RNF216: variants seen among roughly 807,000 people sequenced by gnomAD.
RNF216 encodes the protein ring finger protein 216, also known as E3 ubiquitin-protein ligase RNF216.
RNF216 carries 72 observed loss-of-function variants against 110.8 expected under a neutral mutation model. That is an observed-to-expected ratio of 0.65 (90% confidence interval 0.54 to 0.79). RNF216 has a LOEUF of 0.79. RNF216 is among the 30% of genes least tolerant of loss of function. The pLI is 0.00. For synonymous variants in RNF216, 495 were observed against 407.5 expected, an observed-to-expected ratio of 1.21 and a Z score of -2.59; for missense variants, 1,342 against 1,141.2, an observed-to-expected ratio of 1.18 and a Z score of -2.54.
intron 13 of RNF216, among the ~76,000 whole-genome samples, chr7:5,692,805 C>A (rs1791414645): frequency 6.6e-6 from 1 of 152,184 alleles, no homozygotes; most frequent in Non-Finnish European, 1.5e-5. Flanking sequence ...AACAAAAATT[C>A]TTTTGCTCAT....
intron 13 of RNF216, among the ~76,000 whole-genome samples, chr7:5,706,213 C>A (rs1792279225): frequency 7.2e-6 from 1 of 139,088 alleles, no homozygotes; most frequent in Admixed American, 6.9e-5. Context: ...CAGCGACACT[C>A]CATCTCAAAA....
Position 5,622,801 on chromosome 7 carries a change from C to T in RNF216, c.*59G>A. On this transcript the variant is annotated 3_prime_UTR_variant, in exon 17 of 17. Transcript: ENST00000389902. ...CAGACACCAGCCTTGGGGGAGGGTTCTCCATCCACACTCCTACCCCAAACG... is the reference window on the plus strand; with the variant it reads ...CAGACACCAGCCTTGGGGGAGGGTTTTCCATCCACACTCCTACCCCAAACG... 1 of 1,475,590 alleles carries T rather than the reference C, an allele frequency of 6.8e-7. No individual in the cohort carries two copies. Among genetic ancestry groups the T allele is most frequent in the Non-Finnish European group, 9.2e-7 (1 of 1,088,296 alleles). 91.4% of individuals were successfully genotyped at this position (1,475,590 alleles called of 1,614,324 possible).
intron 5 of RNF216, among the ~76,000 whole-genome samples, chr7:5,734,770 G>C (rs1034492928): frequency 6.6e-6 from 1 of 151,172 alleles, no homozygotes; most frequent in Non-Finnish European, 1.5e-5. Context: ...GTTGCAGTGA[G>C]CTGAAATCAT....
intron 13 of RNF216, among the ~76,000 whole-genome samples, chr7:5,686,802 G>C (rs1004341426): frequency 6.6e-6 from 1 of 152,228 alleles, no homozygotes. Context: ...AGGGCGTGGA[G>C]AGATGGCTTC....
At chr7:5,656,252 G>A (rs1239409136) in intron 13 of RNF216, among the ~76,000 whole-genome samples, 4 of 152,190 alleles carry the variant, frequency 2.6e-5, no homozygotes, top group Non-Finnish European at 5.9e-5. Flanking sequence ...CTGGGCGGCA[G>A]AGCAAGATTC....
chr7:5,673,759 T>G (rs1226161561), intron 13 of RNF216, among the ~76,000 whole-genome samples: 1 of 151,976 alleles, frequency 6.6e-6, no homozygotes, highest in Non-Finnish European at 1.5e-5. Flanking sequence ...CACCTGTAAT[T>G]CCAGCATTTT....
At chr7:5,667,221 G>C (rs1170233350) in intron 13 of RNF216, among the ~76,000 whole-genome samples, 1 of 152,150 alleles carries the variant, frequency 6.6e-6, no homozygotes, top group African/African-American at 2.4e-5. Flanking sequence ...CATTCCATGT[G>C]TCAAGTATTT....
intron 13 of RNF216, among the ~76,000 whole-genome samples, chr7:5,657,443 T>C (rs1788817645): frequency 6.6e-6 from 1 of 152,132 alleles, no homozygotes; most frequent in South Asian, 2.1e-4. Flanking sequence ...GGCGCATGCC[T>C]ATAATCCCAG....
chr7:5,727,281 T>C (rs1793818757), intron 7 of RNF216, among the ~76,000 whole-genome samples: 1 of 152,234 alleles, frequency 6.6e-6, no homozygotes, highest in Non-Finnish European at 1.5e-5. Flanking sequence ...GTTTATCTGC[T>C]GTTTCACCAC....
intron 13 of RNF216, among the ~76,000 whole-genome samples, chr7:5,682,256 T>G (rs1790703621): frequency 6.6e-6 from 1 of 152,200 alleles, no homozygotes; most frequent in African/African-American, 2.4e-5. Flanking sequence ...TATCTTGTTC[T>G]GAAATCCTTT....
intron 13 of RNF216, among the ~76,000 whole-genome samples, chr7:5,678,207 G>A (rs183186409): frequency 9.2e-5 from 14 of 152,220 alleles, no homozygotes; most frequent in Non-Finnish European, 1.0e-4. Flanking sequence ...TCTGCTGACC[G>A]CCTGCTGTAA....
In RNF216 at chr7:5,641,511, C is replaced by G. The variant is rs1730597064; in HGVS notation, c.2160-135G>C. The G allele has an allele frequency of 5.5e-6, 4 of 730,028 alleles. No homozygotes were observed. The South Asian group carries it at 7.7e-5, about 14-fold the overall frequency. The allele number at this position is 730,028 out of a possible 1,614,324, so 45.2% of individuals were successfully genotyped here. On this transcript the variant is annotated intron_variant, in intron 14 of 16. Coordinates refer to ENST00000389902, the MANE Select transcript of RNF216 (RefSeq NM_207111.4). Reference sequence around the variant, plus strand: ...TGTGACATTAAACAGTGAAAAGAGCCTAGGTTTTGGAGTCTGAGAACTGCT... The same window carrying G: ...TGTGACATTAAACAGTGAAAAGAGCGTAGGTTTTGGAGTCTGAGAACTGCT...
At chr7:5,758,782 G>C (rs1267884417) in intron 2 of RNF216, among the ~76,000 whole-genome samples, 1 of 152,170 alleles carries the variant, frequency 6.6e-6, no homozygotes, top group Non-Finnish European at 1.5e-5. Context: ...CAGGCTCATA[G>C]GTGGAAGGGA....
At chr7:5,675,698 T>C (rs1790238739) in intron 13 of RNF216, among the ~76,000 whole-genome samples, 1 of 149,898 alleles carries the variant, frequency 6.7e-6, no homozygotes, top group Non-Finnish European at 1.5e-5. Flanking sequence ...CCTATAGCGC[T>C]AACTCTATTC....
chr7:5,711,824 G>A lies in RNF216; in HGVS notation c.1998C>T (p.Ser666=), dbSNP rs1432970835. 1 of 1,613,974 alleles carries A rather than the reference G, an allele frequency of 6.2e-7. No homozygotes were observed. The highest frequency in any genetic ancestry group is 1.1e-5 in the South Asian group (1 of 91,012). ...ADELVRCPSC[S]FPALLDSDVK... ...CATCACTGTCCAACAGAGCCGGAAA[G>A]CTACAGGACGGGCACCTAGAGTCAG... The change falls in exon 13 of 17, where the codon AGC becomes AGT. Residue 666 remains serine, a synonymous_variant. Transcript: ENST00000389902.
rs992215001 is a variant in RNF216, at chr7:5,741,562, G to A, written c.455C>T (p.Thr152Ile). Residue 152 changes from threonine (T) to isoleucine (I), a missense_variant, in exon 4 of 17, where the codon ACA (threonine) becomes ATA (isoleucine). Physicochemically the swap from Thr to Ile is moderately conservative, Grantham distance 89. Transcript: ENST00000389902. ...CGGTCCAGGCTTGGGTTCTCTTTCT[G>A]TTTGGCCACTTGGCTTAGTGAATTC... is the stretch of plus-strand genomic sequence containing the variant. The part of the protein sequence containing the change: ...ISEFTKPSGQ[T>I]EREPKPGPSH... The A allele has an allele frequency of 6.2e-7, 1 of 1,614,126 alleles. No individual in the cohort carries two copies. Among genetic ancestry groups the A allele is most frequent in the African/African-American group, 1.3e-5 (1 of 75,004 alleles).
At chr7:5,673,552 G>T (rs1336882057) in intron 13 of RNF216, among the ~76,000 whole-genome samples, 1 of 152,246 alleles carries the variant, frequency 6.6e-6, no homozygotes, top group East Asian at 1.9e-4. Flanking sequence ...AGGGAAGAGA[G>T]CAAGTTGCAG....
intron 5 of RNF216, 152 bp from the exon 6 acceptor site, chr7:5,730,969 A>G: frequency 8.3e-7 from 1 of 1,206,316 alleles, no homozygotes; most frequent in Middle Eastern, 2.8e-4. Context: ...GAAAAACTAA[A>G]CCAATAAACA....
intron 13 of RNF216, among the ~76,000 whole-genome samples, chr7:5,708,576 T>C (rs1792451368): frequency 6.6e-6 from 1 of 152,258 alleles, no homozygotes; most frequent in Admixed American, 6.5e-5. Flanking sequence ...GAGATACTCA[T>C]ACTTTATTCT....
Sources: allele counts gnomAD v4.1 joint callset (sites outside exome capture counted in the v4.1 genomes callset), GRCh38; gene constraint gnomAD v4.1.1; transcripts MANE v1.5; gene names NCBI Gene and HGNC (gene_info 2026-07-23, HGNC 2026-07-21).